LRATD1: variants seen among roughly 807,000 people sequenced by gnomAD.
LRATD1 encodes the protein protein LRATD1.
A neutral mutation model predicts 21.3 loss-of-function variants in LRATD1; 8 were observed. That is an observed-to-expected ratio of 0.38 (90% CI 0.22 to 0.68). LRATD1 has a LOEUF of 0.68. Among genes scored for constraint, LRATD1 ranks in the 30% least tolerant of loss-of-function variants. The pLI is 0.54. For missense variants in LRATD1, 380 were observed against 404.0 expected, an observed-to-expected ratio of 0.94 and a Z score of 0.51; for synonymous variants, 210 against 186.2, an observed-to-expected ratio of 1.13 and a Z score of -1.04.
chr2:14,645,567 A>G (rs1671879731), intron 2 of LRATD1, among the ~76,000 whole-genome samples: 1 of 152,194 alleles, frequency 6.6e-6, no homozygotes, highest in South Asian at 2.1e-4. Flanking sequence ...TTCAAGGAGT[A>G]TTGCTGATGT....
chr2:14,649,272 A>C (rs1671959961), intron 4 of LRATD1: 1 of 456,440 alleles, frequency 2.2e-6, no homozygotes, highest in South Asian at 1.5e-5. Context: ...CTTCATTGGC[A>C]CTTTTATTAA....
In LRATD1 at chr2:14,635,705, C is replaced by A; in HGVS notation, c.*847C>A. ...CGCTCGTTCACCTGGTGTCTGGGAA[C>A]TTGAATGTGTGAAGGGCGCTTATTG... On this transcript the variant is annotated 3_prime_UTR_variant, in exon 2 of 2. Coordinates refer to ENST00000295092, the MANE Select transcript of LRATD1 (RefSeq NM_145175.4). 1 of 445,956 alleles carries A rather than the reference C, an allele frequency of 2.2e-6. No homozygotes were observed. 27.6% of individuals were successfully genotyped at this position (445,956 alleles called of 1,614,324 possible).
At chr2:14,641,750 T>G (rs1005422012), downstream of LRATD1, among the ~76,000 whole-genome samples, 12 of 152,196 alleles carry the variant, frequency 7.9e-5, no homozygotes, top group Non-Finnish European at 2.9e-5. Context: ...ACACGTAGTT[T>G]TCATTCATAC....
chr2:14,634,666 A>G lies in LRATD1; in HGVS notation c.687A>G (p.Gly229=). ...CRFGKREFKA[G]GEVPAGTQPP... Reference sequence around the variant, plus strand: ...TTGGCAAGCGGGAGTTCAAGGCGGGAGGGGAGGTGCCGGCAGGCACGCAGC... The same window carrying G: ...TTGGCAAGCGGGAGTTCAAGGCGGGGGGGGAGGTGCCGGCAGGCACGCAGC... The change falls in exon 2 of 2, where the codon GGA becomes GGG. Residue 229 remains glycine (G), a synonymous_variant. Transcript: ENST00000295092. The G allele has an allele frequency of 6.4e-7, 1 of 1,554,460 alleles. No individual in the cohort carries two copies.
intron 4 of LRATD1, among the ~76,000 whole-genome samples, chr2:14,648,619 C>T (rs1671935489): frequency 6.6e-6 from 1 of 152,138 alleles, no homozygotes; most frequent in Non-Finnish European, 1.5e-5. Flanking sequence ...CCTGTAAACA[C>T]TTGTATAAGA....
In LRATD1 at chr2:14,634,666, AG is replaced by A; in HGVS notation, c.691del (p.Glu231ArgfsTer181). ...RFGKREFKAG[G>X]EVPAGTQPPQ... is the part of the protein sequence containing the mutation. ...TTGGCAAGCGGGAGTTCAAGGCGGG[AG>A]GGGAGGTGCCGGCAGGCACGCAGCC... On this transcript the variant is annotated frameshift_variant, in exon 2 of 2. Coordinates refer to ENST00000295092, the MANE Select transcript of LRATD1 (RefSeq NM_145175.4). LOFTEE classifies it high-confidence loss of function. 6.4e-7 allele frequency: 1 copy of A among 1,554,454 alleles called. No homozygotes were observed. The highest frequency in any genetic ancestry group is 8.7e-7 in the Non-Finnish European group (1 of 1,148,230).
rs1488938901 is a variant in LRATD1 at position 14,635,846 on chromosome 2, T to G, written c.*988T>G. 6 of 368,608 alleles carry G rather than the reference T, an allele frequency of 1.6e-5. No homozygotes were observed. Among genetic ancestry groups the G allele is most frequent in the Non-Finnish European group, 3.4e-5 (6 of 178,482 alleles). The allele number at this position is 368,608 out of a possible 1,614,324, so 22.8% of individuals were successfully genotyped here. A position where few individuals can be genotyped will look rare whatever the true frequency, so the allele number is the denominator to read the frequency against. On this transcript the variant is annotated 3_prime_UTR_variant, in exon 2 of 2. Transcript: ENST00000295092. ...GGCACCATTCCAGAAACCAGCATTG[T>G]TACAACACCATAGCCAGTATATTTA... is the stretch of plus-strand genomic sequence containing the variant.
At chr2:14,651,782 T>C (rs566469309), downstream of LRATD1, among the ~76,000 whole-genome samples, 6 of 152,108 alleles carry the variant, frequency 3.9e-5, no homozygotes, top group East Asian at 1.2e-3. Context: ...TATTTTATAT[T>C]TTTGATAGAA....
At position 14,639,887 on chromosome 2, in the gene LRATD1, G is replaced by T. The variant is rs1413717274; in HGVS notation, c.*5029G>T. ...CCTTGCCTGCAAAGGCGAGCCTAAA[G>T]AAATTTCTCTAACCAAAATTGGCAG... is the stretch of plus-strand genomic sequence containing the variant. On this transcript the variant is annotated 3_prime_UTR_variant, in exon 2 of 2. Coordinates refer to ENST00000295092, the MANE Select transcript of LRATD1 (RefSeq NM_145175.4). The T allele has an allele frequency of 6.0e-6, 1 of 167,122 alleles. No individual in the cohort carries two copies. Among genetic ancestry groups the T allele is most frequent in the African/African-American group, 2.4e-5 (1 of 41,476 alleles). 10.4% of individuals were successfully genotyped at this position (167,122 alleles called of 1,614,324 possible). A position where few individuals can be genotyped will look rare whatever the true frequency, so the allele number is the denominator to read the frequency against.
At chr2:14,645,319 G>A (rs1671874069) in intron 2 of LRATD1, among the ~76,000 whole-genome samples, 1 of 152,140 alleles carries the variant, frequency 6.6e-6, no homozygotes, top group Admixed American at 6.5e-5. Context: ...AGAAATTCCA[G>A]ATTATATACA....
chr2:14,649,853 A>G (rs1327475901), downstream of LRATD1: 1 of 154,430 alleles, frequency 6.5e-6, no homozygotes, highest in East Asian at 1.9e-4. Context: ...TCAGGAGTTG[A>G]CTAAAACTTC....
In LRATD1 at chr2:14,633,726, G is replaced by A. The variant is rs1671605131; in HGVS notation, c.-36-218G>A. ...TGGACCGAGTTCCCGGAAGGGGTCGGAGGCTGTGTGGTGGCGTCTGCTCTC... is the reference window on the plus strand; with the variant it reads ...TGGACCGAGTTCCCGGAAGGGGTCGAAGGCTGTGTGGTGGCGTCTGCTCTC... On this transcript the variant is annotated intron_variant, in intron 1 of 1. Coordinates refer to ENST00000295092, the MANE Select transcript of LRATD1 (RefSeq NM_145175.4). This position sits in a 1 kb window ranked among gnomAD's most constrained non-coding sequence, Gnocchi z 7.5. 1 of 513,904 alleles carries A rather than the reference G, an allele frequency of 1.9e-6. No homozygotes were observed. The highest frequency in any genetic ancestry group is 1.9e-5 in the African/African-American group (1 of 52,666). 31.8% of individuals were successfully genotyped at this position (513,904 alleles called of 1,614,324 possible).
rs1303860358 is a variant in LRATD1 at position 14,636,753 on chromosome 2, TTTCTTGGCATTTCAAAAA to T, written c.*1897_*1914del. ...CAGCAAGTATTATGGCCAAAGCCAG[TTTCTTGGCATTTCAAAAA>T]TAATGCAATAAAAACTAGTTGAGGT... On this transcript the variant is annotated 3_prime_UTR_variant, in exon 2 of 2. Coordinates refer to ENST00000295092, the MANE Select transcript of LRATD1 (RefSeq NM_145175.4). 1.8e-5 allele frequency: 3 copies of T among 167,140 alleles called. No individual in the cohort carries two copies. The highest frequency in any genetic ancestry group is 6.5e-5 in the Admixed American group (1 of 15,290). The allele number at this position is 167,140 out of a possible 1,614,324, so 10.4% of individuals were successfully genotyped here.
downstream of LRATD1, among the ~76,000 whole-genome samples, chr2:14,642,750 T>C (rs1433787177): frequency 1.3e-5 from 2 of 152,164 alleles, no homozygotes; most frequent in African/African-American, 4.8e-5. Context: ...TCCAGGCTGG[T>C]TGAACAGCTA....
chr2:14,650,507 TCTA>T (rs1671986832), downstream of LRATD1: 1 of 152,210 alleles, frequency 6.6e-6, no homozygotes, highest in African/African-American at 2.4e-5. Flanking sequence ...TGTCTATAAT[TCTA>T]CTACTCATAT....
In LRATD1 at chr2:14,634,969, C is replaced by A; in HGVS notation, c.*111C>A. ...TCAACCTCTGCCCCGCCCCGCCACGCGCGTCCGCCGCCGGTGGCCCGGGCC... is the reference window on the plus strand; with the variant it reads ...TCAACCTCTGCCCCGCCCCGCCACGAGCGTCCGCCGCCGGTGGCCCGGGCC... On this transcript the variant is annotated 3_prime_UTR_variant, in exon 2 of 2. Coordinates refer to ENST00000295092, the MANE Select transcript of LRATD1 (RefSeq NM_145175.4). 7.3e-7 allele frequency: 1 copy of A among 1,374,708 alleles called. No homozygotes were observed. The highest frequency in any genetic ancestry group is 9.8e-7 in the Non-Finnish European group (1 of 1,020,382). The allele number at this position is 1,374,708 out of a possible 1,614,324, so 85.2% of individuals were successfully genotyped here.
At chr2:14,649,518 C>G (rs995946925) in intron 5 of LRATD1, 3 of 377,868 alleles carry the variant, frequency 7.9e-6, no homozygotes, top group Non-Finnish European at 1.6e-5. Context: ...AGATCCCACC[C>G]AAGCTTTCTC....
rs1403019575 is a variant in LRATD1 at position 14,639,025 on chromosome 2, CAT to C, written c.*4171_*4172del. On this transcript the variant is annotated 3_prime_UTR_variant, in exon 2 of 2. Coordinates refer to ENST00000295092, the MANE Select transcript of LRATD1 (RefSeq NM_145175.4). ...ATTTACACATATGTAAGTATACACT[CAT>C]ATACATATATACACATGTATATATA... is the stretch of plus-strand genomic sequence containing the variant. The C allele has an allele frequency of 5.4e-5, 9 of 166,670 alleles. No homozygotes were observed. Among genetic ancestry groups the C allele is most frequent in the African/African-American group, 2.2e-4 (9 of 41,336 alleles). 10.3% of individuals were successfully genotyped at this position (166,670 alleles called of 1,614,324 possible).
In LRATD1 at chr2:14,634,784, A is replaced by C. The variant is rs2103406761; in HGVS notation, c.805A>C (p.Lys269Gln). Residue 269 changes from lysine (K) to glutamine (Q), a missense_variant, in exon 2 of 2, where the codon AAG (lysine) becomes CAG (glutamine). By Grantham distance (53) the Lys-to-Gln change is moderately conservative (BLOSUM62 1). Coordinates refer to ENST00000295092, the MANE Select transcript of LRATD1 (RefSeq NM_145175.4). ...CAGCCTGGAAGACCTCATCCGCGAG[A>C]AGCGCCGTATCGACGCCAGCGGCCG... Reference protein sequence around the residue: ...FHSLEDLIREKRRIDASGRLR... With the variant: ...FHSLEDLIREQRRIDASGRLR... 1 of 1,601,074 alleles carries C rather than the reference A, an allele frequency of 6.2e-7. No homozygotes were observed. Among genetic ancestry groups the C allele is most frequent in the Admixed American group, 1.7e-5 (1 of 58,532 alleles).
Sources: gnomAD v4.1 joint callset for allele counts (sites outside exome capture counted in the v4.1 genomes callset) on GRCh38, gnomAD v4.1.1 for gene constraint, Gnocchi (gnomAD v3.1) non-coding constraint, MANE v1.5 for transcripts, NCBI Gene and HGNC (gene_info 2026-07-23, HGNC 2026-07-21) for gene names.